TIAM1: variants seen among roughly 807,000 people sequenced by gnomAD.
TIAM1 encodes TIAM Rac1 associated GEF 1.
In TIAM1, 65 loss-of-function variants were observed where a neutral mutation model predicts 163.5. That is an observed-to-expected ratio of 0.40 (90% confidence interval 0.33 to 0.49). The LOEUF is 0.49. TIAM1 is among the 20% of genes least tolerant of loss of function. The pLI, the probability that TIAM1 is intolerant of heterozygous loss-of-function variation, is 0.77. For synonymous variants in TIAM1, 833 were observed against 810.1 expected, an observed-to-expected ratio of 1.03 and a Z score of -0.48; for missense variants, 1,789 against 2,044.7, an observed-to-expected ratio of 0.87 and a Z score of 2.41.
intron 19 of TIAM1, among the ~76,000 whole-genome samples, chr21:31,148,004 C>A (rs1458672531): frequency 8.0e-4 from 51 of 63,790 alleles, no homozygotes; most frequent in Non-Finnish European, 1.1e-3. Flanking sequence ...TGTCCATGAC[C>A]AAAAAAAAAA....
At chr21:31,307,775 A>G (rs2074771345) in intron 2 of TIAM1, among the ~76,000 whole-genome samples, 1 of 152,142 alleles carries the variant, frequency 6.6e-6, no homozygotes, top group Non-Finnish European at 1.5e-5. Context: ...ATCTCATTAG[A>G]CGGTACAGGC....
chr21:31,507,094 T>A (rs775206630), intron 1 of TIAM1, among the ~76,000 whole-genome samples: 11 of 151,964 alleles, frequency 7.2e-5, no homozygotes, highest in Non-Finnish European at 7.4e-5. Context: ...TGCTTTCAAT[T>A]CTTTTGGGTA....
intron 2 of TIAM1, among the ~76,000 whole-genome samples, chr21:31,283,671 A>T (rs1257140974): frequency 6.6e-6 from 1 of 152,028 alleles, no homozygotes; most frequent in Non-Finnish European, 1.5e-5. Context: ...CAGCCTCCCA[A>T]GTAGTTGGGA....
At chr21:31,301,410 A>G (rs1178927968) in intron 2 of TIAM1, among the ~76,000 whole-genome samples, 1 of 152,244 alleles carries the variant, frequency 6.6e-6, no homozygotes, top group African/African-American at 2.4e-5. Flanking sequence ...ACAAGACACC[A>G]TTGGGATTCT....
chr21:31,508,314 C>G (rs116951744), intron 1 of TIAM1, among the ~76,000 whole-genome samples: 5,608 of 151,728 alleles, frequency 0.037, 162 homozygotes, highest in Non-Finnish European at 0.055. Context: ...AGGTTGGATT[C>G]TTTTCTACCT....
chr21:31,295,209 G>A (rs947802276), intron 2 of TIAM1, among the ~76,000 whole-genome samples: 12 of 152,254 alleles, frequency 7.9e-5, no homozygotes, highest in East Asian at 1.9e-4. Flanking sequence ...GGTGGCTTAC[G>A]CCTGCAATCC....
intron 9 of TIAM1, among the ~76,000 whole-genome samples, chr21:31,216,580 G>C (rs2087225784): frequency 6.6e-6 from 1 of 152,148 alleles, no homozygotes; most frequent in Admixed American, 6.5e-5. Flanking sequence ...ACAGACAGTG[G>C]GCTTCACGGA....
intron 1 of TIAM1, among the ~76,000 whole-genome samples, chr21:31,481,403 G>A (rs888844090): frequency 4.6e-5 from 7 of 152,218 alleles, no homozygotes; most frequent in African/African-American, 1.4e-4. Flanking sequence ...CTCTCTGGAT[G>A]CCAACTGAGG....
At chr21:31,145,481 G>C (rs902091897) in intron 20 of TIAM1, among the ~76,000 whole-genome samples, 1 of 152,124 alleles carries the variant, frequency 6.6e-6, no homozygotes, top group East Asian at 1.9e-4. Context: ...TTCTGTTGGT[G>C]CAACTGTTTG....
chr21:31,495,826 G>T (rs925823864), intron 1 of TIAM1, among the ~76,000 whole-genome samples: 2 of 152,162 alleles, frequency 1.3e-5, no homozygotes, highest in African/African-American at 4.8e-5. Flanking sequence ...ACAAAATTTA[G>T]CCAGGTGCAG....
intron 2 of TIAM1, among the ~76,000 whole-genome samples, chr21:31,410,498 AGT>A (rs948834541): frequency 3.0e-5 from 1 of 32,950 alleles, no homozygotes; most frequent in Non-Finnish European, 5.1e-5. Context: ...TGTGTGTGAT[AGT>A]GTGTATGTGT....
Position 31,141,599 on chromosome 21 carries a change from T to G in TIAM1, c.3476-95A>C. On this transcript the variant is annotated intron_variant, in intron 20 of 27. Transcript: ENST00000541036. The surrounding 1 kb of genome is among the most constrained non-coding windows in gnomAD (Gnocchi z 4.7). ...CTTCCTCAGTGACTCCAAGGTGCCT[T>G]TTTGCAGGACTGAGCAGAGAGTGGG... 1 of 1,454,102 alleles carries G rather than the reference T, an allele frequency of 6.9e-7. No homozygotes were observed. Among genetic ancestry groups the G allele is most frequent in the East Asian group, 2.3e-5 (1 of 44,022 alleles). 90.1% of individuals were successfully genotyped at this position (1,454,102 alleles called of 1,614,324 possible). A position where few individuals can be genotyped will look rare whatever the true frequency, so the allele number is the denominator to read the frequency against.
At chr21:31,499,841 C>T (rs2046790766) in intron 1 of TIAM1, among the ~76,000 whole-genome samples, 1 of 146,902 alleles carries the variant, frequency 6.8e-6, no homozygotes, top group Non-Finnish European at 1.5e-5. Flanking sequence ...CAGAACAAGA[C>T]TCCGTCTTAG....
chr21:31,460,067 T>C lies in TIAM1; in HGVS notation c.-369+3916A>G, dbSNP rs185753478. ...AGAAAATGCACCAAGGAAGCTCCTCTGCAGGTTTTAAACAAGCCCCAGGTC... is the reference window on the plus strand; with the variant it reads ...AGAAAATGCACCAAGGAAGCTCCTCCGCAGGTTTTAAACAAGCCCCAGGTC... On this transcript the variant is annotated intron_variant, in intron 2 of 28. Transcript: ENST00000286827. Among the ~76,000 whole-genome samples, 419 of 152,264 alleles carry C rather than the reference T, an allele frequency of 2.8e-3. 3 individuals carry two copies. Among genetic ancestry groups the C allele is most frequent in the Middle Eastern group, 3.4e-3 (1 of 294 alleles).
chr21:31,520,510 G>T (rs544665014), intron 1 of TIAM1, among the ~76,000 whole-genome samples: 5 of 152,250 alleles, frequency 3.3e-5, no homozygotes, highest in African/African-American at 1.2e-4. Context: ...AAGAGAAAAG[G>T]CATTTGTGGT....
intron 11 of TIAM1, among the ~76,000 whole-genome samples, chr21:31,208,620 A>T (rs150938911): frequency 6.6e-6 from 1 of 152,208 alleles, no homozygotes; most frequent in Non-Finnish European, 1.5e-5. Context: ...TTTAGCATCC[A>T]TGTCAGGGCT....
chr21:31,477,005 G>A (rs1465316909), intron 1 of TIAM1, among the ~76,000 whole-genome samples: 1 of 152,178 alleles, frequency 6.6e-6, no homozygotes, highest in Non-Finnish European at 1.5e-5. Flanking sequence ...TTAGAGACAG[G>A]TTCAAATAAA....
chr21:31,350,590 A>G (rs774861334), intron 2 of TIAM1, among the ~76,000 whole-genome samples: 12 of 152,084 alleles, frequency 7.9e-5, no homozygotes, highest in Non-Finnish European at 1.5e-4. Context: ...CTGGTTGTAT[A>G]AAAGTTTGTG....
chr21:31,464,154 A>AGT (rs2045436827), intron 1 of TIAM1: 1 of 152,188 alleles, frequency 6.6e-6, no homozygotes, highest in Non-Finnish European at 1.5e-5. Flanking sequence ...AAACTCTACC[A>AGT]GAGGAGGCAA....
Sources: gnomAD v4.1 joint callset for allele counts (sites outside exome capture counted in the v4.1 genomes callset) on GRCh38, gnomAD v4.1.1 for gene constraint, Gnocchi (gnomAD v3.1) non-coding constraint, MANE v1.5 for transcripts, NCBI Gene and HGNC (gene_info 2026-07-23, HGNC 2026-07-21) for gene names.